The following HEATR1 variants were observed in gnomAD, a reference collection of about 807,000 sequenced individuals.
HEATR1 encodes the protein HEAT repeat containing 1.
In HEATR1, 77 loss-of-function variants were observed where a neutral mutation model predicts 248.2. The ratio of observed to expected loss-of-function variants is 0.31; its 90% CI spans 0.26 to 0.37. The LOEUF (loss-of-function observed/expected upper bound fraction) is 0.37. Among genes scored for constraint, HEATR1 ranks in the 10% least tolerant of loss-of-function variants. The pLI, the probability that HEATR1 is intolerant of heterozygous loss-of-function variation, is 1.00. For synonymous variants in HEATR1, 897 were observed against 923.1 expected (o/e 0.97, Z 0.51); for missense variants, 2,420 against 2,504.9 (o/e 0.97, Z 0.72).
chr1:236,554,826 T>G, intron 41 of HEATR1, 74 bp from the exon 42 acceptor site: 1 of 1,295,814 alleles, frequency 7.7e-7, no homozygotes. Flanking sequence ...TACATTGAAA[T>G]CACTATTAAA....
At position 236,550,992 on chromosome 1, in the gene HEATR1, T is replaced by TAAAAAAAA. The variant is rs55866014; in HGVS notation, c.6347-10_6347-3dup. On this transcript the variant is annotated splice_polypyrimidine_tract_variant and splice_region_variant and intron_variant, in intron 44 of 44. Transcript: ENST00000366582. ...GATGTTCTACTTCTTCACATTCATC[T>TAAAAAAAA]AAAAAAAAAAAAAAAAAATCAAAAT... The TAAAAAAAA allele has an allele frequency of 1.7e-5, 21 of 1,255,688 alleles. No individual in the cohort carries two copies. The highest frequency in any genetic ancestry group is 1.8e-5 in the Non-Finnish European group (17 of 934,626). 77.8% of individuals were successfully genotyped at this position (1,255,688 alleles called of 1,614,324 possible). A position where few individuals can be genotyped will look rare whatever the true frequency, so the allele number is the denominator to read the frequency against.
Position 236,549,678 on chromosome 1 carries a change from G to A in HEATR1, c.*1224C>T, listed in dbSNP as rs549781713. ...AAAGCTGTAGAAGGCAAGAAGACTC[G>A]AGAATCCCCCAGAGTTATTTTTCTC... On this transcript the variant is annotated 3_prime_UTR_variant, in exon 45 of 45. Coordinates refer to ENST00000366582, the MANE Select transcript of HEATR1 (RefSeq NM_018072.6). 5 of 152,110 alleles carry A rather than the reference G, an allele frequency of 3.3e-5. No individual in the cohort carries two copies. The highest frequency in any genetic ancestry group is 7.2e-5 in the African/African-American group (3 of 41,410). The allele number at this position is 152,110 out of a possible 1,614,324, so 9.4% of individuals were successfully genotyped here.
At chr1:236,587,066 T>C (rs1558189260) in intron 14 of HEATR1, among the ~76,000 whole-genome samples, 2 of 152,172 alleles carry the variant, frequency 1.3e-5, no homozygotes, top group African/African-American at 2.4e-5. Flanking sequence ...AACACATTGG[T>C]ATTTGTTTTT....
At chr1:236,597,416 T>C (rs1664206150) in intron 5 of HEATR1, among the ~76,000 whole-genome samples, 1 of 151,862 alleles carries the variant, frequency 6.6e-6, no homozygotes, top group South Asian at 2.1e-4. Context: ...CCATGCCCAG[T>C]TTATTTTCGT....
chr1:236,569,090 G>A lies in HEATR1; in HGVS notation c.3983C>T (p.Thr1328Ile). 1 of 1,601,292 alleles carries A rather than the reference G, an allele frequency of 6.2e-7. No individual in the cohort carries two copies. The highest frequency in any genetic ancestry group is 8.5e-7 in the Non-Finnish European group (1 of 1,173,702). Reference protein sequence around the residue: ...KVLHNIMSIFTFMGANVMRLD... With the variant: ...KVLHNIMSIFIFMGANVMRLD... The stretch of plus-strand genomic sequence containing the variant: ...GCGCATGACATTGGCTCCCATAAAT[G>A]TAAAAATAGACATGATATTGTGTAA... The change falls in exon 29 of 45, where the codon ACA (threonine) becomes ATA (isoleucine). Residue 1328 changes from threonine to isoleucine, a missense_variant. Transcript: ENST00000366582.
Position 236,569,001 on chromosome 1 carries a change from T to G in HEATR1, c.4072A>C (p.Ile1358Leu). ...ATGGTATAAAGAGACCTTACCTGAA[T>G]AAGTGCGGGAATAACCATTTTCACT... ...KTVKMVIPAL[I>L]QSDSGDSIEV... Residue 1358 changes from isoleucine (I) to leucine (L), a missense_variant, in exon 29 of 45, where the codon ATT (isoleucine) becomes CTT (leucine). By Grantham distance (5) the Ile-to-Leu change is conservative (BLOSUM62 2). Transcript: ENST00000366582. 1 of 1,578,442 alleles carries G rather than the reference T, an allele frequency of 6.3e-7. No individual in the cohort carries two copies. The highest frequency in any genetic ancestry group is 8.6e-7 in the Non-Finnish European group (1 of 1,166,360).
At chr1:236,589,058 G>A (rs1393776596) in intron 12 of HEATR1, among the ~76,000 whole-genome samples, 1 of 152,198 alleles carries the variant, frequency 6.6e-6, no homozygotes, top group Non-Finnish European at 1.5e-5. Flanking sequence ...GTATGCAAAG[G>A]AGGACATCAA....
intron 20 of HEATR1, among the ~76,000 whole-genome samples, chr1:236,580,824 A>ATTTTTTTTTTTTTTTTT (rs71178327): frequency 3.2e-5 from 4 of 126,656 alleles, no homozygotes; most frequent in Non-Finnish European, 4.8e-5. Context: ...GCCTTTATCG[A>ATTTTTTTTTTTTTTTTT]TTTTTTTTTT....
intron 34 of HEATR1, 54 bp downstream of exon 34, chr1:236,559,660 A>G: frequency 6.5e-7 from 1 of 1,542,126 alleles, no homozygotes; most frequent in Non-Finnish European, 8.8e-7. Flanking sequence ...TAATTTCACA[A>G]TAATTTAAAA....
rs1663785608 is a variant in HEATR1 at position 236,582,724 on chromosome 1, G to C, written c.2562+12C>G. On this transcript the variant is annotated intron_variant, in intron 19 of 44. Coordinates refer to ENST00000366582, the MANE Select transcript of HEATR1 (RefSeq NM_018072.6). Reference sequence around the variant, plus strand: ...AAGGGTAGAGTACGCCTGAAAAGGAGGAGGCTTGTACCTTTATGAAAAGTT... The same window carrying C: ...AAGGGTAGAGTACGCCTGAAAAGGACGAGGCTTGTACCTTTATGAAAAGTT... 6.8e-6 allele frequency: 11 copies of C among 1,613,614 alleles called. No individual in the cohort carries two copies. Among genetic ancestry groups the C allele is most frequent in the Non-Finnish European group, 9.3e-6 (11 of 1,179,594 alleles).
chr1:236,594,080 G>A lies in HEATR1; in HGVS notation c.1125C>T (p.Tyr375=). 1.2e-6 allele frequency: 2 copies of A among 1,602,168 alleles called. No individual in the cohort carries two copies. The highest frequency in any genetic ancestry group is 1.7e-6 in the Non-Finnish European group (2 of 1,175,516). ...EETEGMDGQI[Y]KRHLEAILTK... ...TAAGTATAGCTTCTAAGTGTCTCTT[G>A]TAGATTTGACCATCCATTCCTTCAG... The change falls in exon 9 of 45, where the codon TAC becomes TAT. Residue 375 remains tyrosine, a synonymous_variant. Transcript: ENST00000366582.
rs1298529074 is a variant in HEATR1 at position 236,549,744 on chromosome 1, T to C, written c.*1158A>G. The stretch of plus-strand genomic sequence containing the variant: ...AGTGCTTAACTGAGCTGTTGGAGAC[T>C]GTGAGGCATTTAGGAAAAAAATAGC... On this transcript the variant is annotated 3_prime_UTR_variant, in exon 45 of 45. Transcript: ENST00000366582. The C allele has an allele frequency of 6.6e-6, 1 of 152,220 alleles. No individual in the cohort carries two copies. Among genetic ancestry groups the C allele is most frequent in the Non-Finnish European group, 1.5e-5 (1 of 68,040 alleles). 9.4% of individuals were successfully genotyped at this position (152,220 alleles called of 1,614,324 possible).
At chr1:236,570,543 G>A (rs1373000658) in intron 28 of HEATR1, among the ~76,000 whole-genome samples, 1 of 152,000 alleles carries the variant, frequency 6.6e-6, no homozygotes, top group Non-Finnish European at 1.5e-5. Flanking sequence ...TTCTTTTCTG[G>A]GGTGATGAAA....
At chr1:236,551,257 T>TAGC (rs766166947) in intron 44 of HEATR1, 7 of 443,856 alleles carry the variant, frequency 1.6e-5, no homozygotes, top group Non-Finnish European at 2.8e-5. Flanking sequence ...ACCCCTTTAG[T>TAGC]AGCTCACACC....
At chr1:236,555,205 T>C in intron 41 of HEATR1, 91 bp downstream of exon 41, 1 of 1,339,310 alleles carries the variant, frequency 7.5e-7, no homozygotes. Flanking sequence ...ACCTCTAAAA[T>C]CTTGCTTCCA....
At chr1:236,577,936 G>A (rs116407579) in intron 20 of HEATR1, among the ~76,000 whole-genome samples, 349 of 152,254 alleles carry the variant, frequency 2.3e-3, no homozygotes, top group African/African-American at 7.9e-3. Flanking sequence ...TTGTACAAGC[G>A]TGCACGGGAA....
Position 236,553,666 on chromosome 1 carries a change from T to C in HEATR1, c.6152A>G (p.Gln2051Arg). 2 of 1,614,068 alleles carry C rather than the reference T, an allele frequency of 1.2e-6. No homozygotes were observed. The highest frequency in any genetic ancestry group is 2.2e-5 in the East Asian group (1 of 44,880). Residue 2051 changes from glutamine to arginine, a missense_variant, in exon 43 of 45, where the codon CAG (glutamine) becomes CGG (arginine). Physicochemically the swap from Gln to Arg is conservative, Grantham distance 43. Coordinates refer to ENST00000366582, the MANE Select transcript of HEATR1 (RefSeq NM_018072.6). The part of the protein sequence containing the change: ...VTKHLIPCIA[Q>R]FSVAMADDSL... ...GTCATCCGCCATGGCCACCGAAAAC[T>C]GTGCGATGCATGGTATCAGGTGCTT...
At chr1:236,602,030 T>C (rs560012177) in intron 3 of HEATR1, among the ~76,000 whole-genome samples, 7 of 151,726 alleles carry the variant, frequency 4.6e-5, no homozygotes, top group African/African-American at 1.5e-4. Flanking sequence ...TCCCAGCTAC[T>C]TGGGAGGCTG....
intron 44 of HEATR1, 49 bp from the exon 45 acceptor site, chr1:236,551,039 T>C: frequency 7.2e-7 from 1 of 1,384,898 alleles, no homozygotes; most frequent in East Asian, 2.4e-5. Flanking sequence ...TCAGTCCGCC[T>C]GCCTCGGTTC....
Sources: gnomAD v4.1 joint callset for allele counts (sites outside exome capture counted in the v4.1 genomes callset) on GRCh38, gnomAD v4.1.1 for gene constraint, MANE v1.5 for transcripts, NCBI Gene and HGNC (gene_info 2026-07-23, HGNC 2026-07-21) for gene names.